The following SLC6A16 variants were observed in gnomAD, a reference collection of about 807,000 sequenced individuals.
The protein encoded by SLC6A16 is orphan sodium- and chloride-dependent neurotransmitter transporter NTT5.
SLC6A16 carries 54 observed loss-of-function variants against 65.4 expected under a neutral mutation model. The ratio of observed to expected loss-of-function variants is 0.83; its 90% CI spans 0.66 to 1.04. The LOEUF (loss-of-function observed/expected upper bound fraction) is 1.04, where lower values mean the gene tolerates loss of function less well. Ranked by LOEUF, SLC6A16 falls within the 50% of genes least tolerant of loss-of-function variation. The probability of loss-of-function intolerance (pLI) is 0.00; values close to 1 mark genes in which losing one functional copy is unlikely to be tolerated. For missense variants in SLC6A16, 816 were observed against 914.0 expected (o/e 0.89, Z 1.38); for synonymous variants, 330 against 346.5 (o/e 0.95, Z 0.53).
At position 49,292,020 on chromosome 19, in the gene SLC6A16, T is replaced by C. The variant is rs1265598424; in HGVS notation, c.1778+1203A>G. ...ACCTTCCAGAATCAGACCACTTCTC[T>C]TAATCCACAACTCTTCTACTTTTGA... On this transcript the variant is annotated intron_variant, in intron 10 of 11. Transcript: ENST00000335875. This position sits in a 1 kb window ranked among gnomAD's most constrained non-coding sequence, Gnocchi z 4.3. 6.6e-6 allele frequency among the ~76,000 whole-genome samples: 1 copy of C among 152,214 alleles called. No individual in the cohort carries two copies. The highest frequency in any genetic ancestry group is 1.5e-5 in the Non-Finnish European group (1 of 68,038).
rs748482068 is a variant in SLC6A16 at position 49,308,891 on chromosome 19, T to C, written c.1214A>G (p.His405Arg). 9.3e-6 allele frequency: 15 copies of C among 1,614,150 alleles called. No individual in the cohort carries two copies. The Admixed American group carries it at 1.5e-4, about 16-fold the overall frequency. The change falls in exon 7 of 12, where the codon CAT becomes CGT. Residue 405 changes from histidine to arginine, a missense_variant. Physicochemically the swap from His to Arg is conservative, Grantham distance 29. Transcript: ENST00000335875. ...CCGGCCTTACCTCTCACAGCAGCGA[T>C]GTGTGATGACTGTCGCCCAGAAGCC... ...VLGFWATVIT[H>R]RCCERNAEIL...
chr19:49,339,073 T>C, the SLC6A16 span: 6 of 755,318 alleles, frequency 7.9e-6, no homozygotes, highest in African/African-American at 3.5e-5. The surrounding 1 kb of genome is among the most constrained non-coding windows in gnomAD (Gnocchi z 4.5). Flanking sequence ...GGCGGGGCCC[T>C]CTGAAGGGGG....
rs995989484 is a variant in SLC6A16 at position 49,292,145 on chromosome 19, G to A, written c.1778+1078C>T. 2.6e-5 allele frequency among the ~76,000 whole-genome samples: 4 copies of A among 152,142 alleles called. No individual in the cohort carries two copies. The highest frequency in any genetic ancestry group is 5.9e-5 in the Non-Finnish European group (4 of 68,022). On this transcript the variant is annotated intron_variant, in intron 10 of 11. Coordinates refer to ENST00000335875, the MANE Select transcript of SLC6A16 (RefSeq NM_014037.3). The surrounding 1 kb of genome is among the most constrained non-coding windows in gnomAD (Gnocchi z 4.3). Reference sequence around the variant, plus strand: ...AGCACTTTGGGAGGCTGAGGCAGGTGATCACGAGGTCAAGAGTTCGAGACC... The same window carrying A: ...AGCACTTTGGGAGGCTGAGGCAGGTAATCACGAGGTCAAGAGTTCGAGACC...
At chr19:49,339,850 C>A in the SLC6A16 span, 2 of 1,334,830 alleles carry the variant, frequency 1.5e-6, no homozygotes, top group Non-Finnish European at 1.9e-6. The surrounding 1 kb of genome is among the most constrained non-coding windows in gnomAD (Gnocchi z 4.5). Flanking sequence ...AGACAAGGCA[C>A]CGCAGGGCAA....
intron 7 of SLC6A16, among the ~76,000 whole-genome samples, chr19:49,308,228 G>A (rs112977290): frequency 9.2e-5 from 14 of 152,090 alleles, no homozygotes; most frequent in African/African-American, 2.4e-4. Flanking sequence ...TGAGGCGGGC[G>A]GATTATGAGG....
At chr19:49,335,486 C>A in the SLC6A16 span, 5 of 1,219,422 alleles carry the variant, frequency 4.1e-6, no homozygotes, top group Non-Finnish European at 1.2e-6. The surrounding 1 kb of genome is among the most constrained non-coding windows in gnomAD (Gnocchi z 4.6). Flanking sequence ...CTGTCTCCCC[C>A]ACTGTCAGCA....
chr19:49,297,976 C>G (rs998891408), intron 7 of SLC6A16, among the ~76,000 whole-genome samples: 31 of 151,974 alleles, frequency 2.0e-4, no homozygotes, highest in African/African-American at 7.3e-4. Context: ...TTTCTAAGAC[C>G]TAGATGATAT....
Position 49,310,612 on chromosome 19 carries a change from A to G in SLC6A16, c.416-102T>C, listed in dbSNP as rs933415317. On this transcript the variant is annotated intron_variant, in intron 2 of 11. Coordinates refer to ENST00000335875, the MANE Select transcript of SLC6A16 (RefSeq NM_014037.3). The stretch of plus-strand genomic sequence containing the variant: ...ATTCTCCCTACCAGCGACCTCTTCC[A>G]GGGCCACAGGCATCAGGGCTCACCC... The G allele has an allele frequency of 8.7e-6, 11 of 1,262,080 alleles. No homozygotes were observed. The Admixed American group carries it at 1.7e-4, about 20-fold the overall frequency. The allele number at this position is 1,262,080 out of a possible 1,614,324, so 78.2% of individuals were successfully genotyped here.
intron 7 of SLC6A16, among the ~76,000 whole-genome samples, chr19:49,299,259 A>G (rs986907822): frequency 4.0e-5 from 6 of 151,466 alleles, no homozygotes; most frequent in African/African-American, 1.5e-4. Context: ...AAAAAAAAAA[A>G]AGAAAGCTGA....
At chr19:49,328,169 G>A (rs190430257), upstream of SLC6A16, among the ~76,000 whole-genome samples, 7 of 152,088 alleles carry the variant, frequency 4.6e-5, no homozygotes, top group East Asian at 1.9e-4. Context: ...GGTAATTTAC[G>A]AAGAAAAGAG....
the SLC6A16 span, chr19:49,337,576 C>T: frequency 7.6e-7 from 1 of 1,316,306 alleles, no homozygotes; most frequent in Non-Finnish European, 1.0e-6. Flanking sequence ...GAGCCATGCA[C>T]TCAGCCTGGG....
intron 1 of SLC6A16, among the ~76,000 whole-genome samples, chr19:49,313,625 C>CAAAAA (rs902187308): frequency 2.3e-3 from 110 of 47,368 alleles, no homozygotes; most frequent in African/African-American, 6.1e-3. Context: ...ACTAAAAATG[C>CAAAAA]AAAAAAAAAA....
At chr19:49,308,802 C>A (rs1254355750) in intron 7 of SLC6A16, 74 bp downstream of exon 7, 2 of 1,577,040 alleles carry the variant, frequency 1.3e-6, no homozygotes, top group Non-Finnish European at 1.7e-6. Context: ...GTCTTTGCAG[C>A]ACCTTTAAGG....
At chr19:49,295,830 C>T (rs1970175766) in intron 7 of SLC6A16, among the ~76,000 whole-genome samples, 1 of 152,170 alleles carries the variant, frequency 6.6e-6, no homozygotes, top group Non-Finnish European at 1.5e-5. Context: ...AAGTTCCCCT[C>T]TTAAATCTGA....
At chr19:49,321,737 AAAACAAAC>A (rs559089243) in intron 1 of SLC6A16, among the ~76,000 whole-genome samples, 1 of 151,532 alleles carries the variant, frequency 6.6e-6, no homozygotes, top group African/African-American at 2.4e-5. Context: ...CTCCATCTCA[AAAACAAAC>A]AAACAAACAA....
Position 49,305,708 on chromosome 19 carries a change from C to T in SLC6A16, c.1229+3168G>A, listed in dbSNP as rs557910001. On this transcript the variant is annotated intron_variant, in intron 7 of 11. Coordinates refer to ENST00000335875, the MANE Select transcript of SLC6A16 (RefSeq NM_014037.3). Reference sequence around the variant, plus strand: ...CCATGTCAGTGAACCCATACAAGCCCAGCAGAAGAGCTTTCCAGCCAACCC... The same window carrying T: ...CCATGTCAGTGAACCCATACAAGCCTAGCAGAAGAGCTTTCCAGCCAACCC... 8.5e-5 allele frequency: 13 copies of T among 152,226 alleles called. No individual in the cohort carries two copies. In the East Asian group the frequency reaches 2.5e-3, roughly 29 times the overall value. 9.4% of individuals were successfully genotyped at this position (152,226 alleles called of 1,614,324 possible). A position where few individuals can be genotyped will look rare whatever the true frequency, so the allele number is the denominator to read the frequency against.
At chr19:49,294,587 T>A (rs1346026547) in intron 7 of SLC6A16, 34 bp from the exon 8 acceptor site, 2 of 1,546,880 alleles carry the variant, frequency 1.3e-6, no homozygotes, top group Admixed American at 2.0e-5. Context: ...ATCGAACCAT[T>A]TGGCCCAGTA....
intron 1 of SLC6A16, among the ~76,000 whole-genome samples, chr19:49,324,740 G>C (rs974977397): frequency 9.9e-5 from 15 of 152,246 alleles, no homozygotes; most frequent in African/African-American, 3.4e-4. Flanking sequence ...TGCCACTCGG[G>C]CACTTGACAC....
At chr19:49,337,824 T>C in the SLC6A16 span, 1 of 1,571,556 alleles carries the variant, frequency 6.4e-7, no homozygotes, top group Non-Finnish European at 8.6e-7. Flanking sequence ...GATTTGAGAC[T>C]GGCCCAGAGA....
Sources: gnomAD v4.1 joint callset for allele counts (sites outside exome capture counted in the v4.1 genomes callset) on GRCh38, gnomAD v4.1.1 for gene constraint, Gnocchi (gnomAD v3.1) non-coding constraint, MANE v1.5 for transcripts, NCBI Gene and HGNC (gene_info 2026-07-23, HGNC 2026-07-21) for gene names.